Variants in LRP2BP observed in about 807,000 individuals in gnomAD.
LRP2BP encodes the protein LRP2-binding protein.
LRP2BP carries 38 observed loss-of-function variants against 45.2 expected under a neutral mutation model. The ratio of observed to expected loss-of-function variants is 0.84; its 90% CI spans 0.65 to 1.10. LRP2BP has a LOEUF of 1.10. Among genes scored for constraint, LRP2BP ranks in the 50% least tolerant of loss-of-function variants. The pLI is 0.00. For synonymous variants in LRP2BP, 153 were observed against 153.9 expected (o/e 0.99, Z 0.04); for missense variants, 385 against 418.9 (o/e 0.92, Z 0.71).
At chr4:185,373,223 T>A (rs1025236337) in intron 6 of LRP2BP, 144 bp from the exon 7 acceptor site, 7 of 728,296 alleles carry the variant, frequency 9.6e-6, no homozygotes, top group Admixed American at 2.7e-5. Context: ...TGGACGCATT[T>A]CACACTAGCA....
intron 7 of LRP2BP, 130 bp downstream of exon 7, chr4:185,372,725 TG>T: frequency 1.5e-6 from 1 of 674,006 alleles, no homozygotes; most frequent in Non-Finnish European, 2.5e-6. Flanking sequence ...GAGGACATGA[TG>T]GTCCTCCCCT....
chr4:185,396,907 T>C, upstream of LRP2BP: 1 of 1,613,344 alleles, frequency 6.2e-7, no homozygotes. Context: ...ACTCTTGTCA[T>C]CTGCCTTAGG....
chr4:185,386,217 G>T (rs2095471489), intron 1 of LRP2BP, among the ~76,000 whole-genome samples: 1 of 152,174 alleles, frequency 6.6e-6, no homozygotes, highest in African/African-American at 2.4e-5. Flanking sequence ...CATGATGATT[G>T]GATCTCTGGG....
At chr4:185,378,676 G>A (rs2095446346) in intron 1 of LRP2BP, 2 of 986,858 alleles carry the variant, frequency 2.0e-6, no homozygotes, top group Non-Finnish European at 2.4e-6. Context: ...CTGTTGTTGA[G>A]TTTTATCTTC....
At chr4:185,385,856 G>A (rs1387784272) in intron 1 of LRP2BP, among the ~76,000 whole-genome samples, 4 of 148,374 alleles carry the variant, frequency 2.7e-5, no homozygotes, top group Non-Finnish European at 4.4e-5. Context: ...AGCTGAGATC[G>A]TGCCACTGCA....
chr4:185,394,616 C>A (rs1307709345), intron 1 of LRP2BP, among the ~76,000 whole-genome samples, 163 bp downstream of exon 1: 3 of 152,224 alleles, frequency 2.0e-5, no homozygotes, highest in Admixed American at 2.0e-4. Context: ...ATCACAGCTG[C>A]ATGTGTATCA....
chr4:185,382,067 TTC>T (rs2095457452), intron 1 of LRP2BP, among the ~76,000 whole-genome samples: 1 of 152,138 alleles, frequency 6.6e-6, no homozygotes, highest in Non-Finnish European at 1.5e-5. Context: ...CTAATCTACT[TTC>T]TGTCTCTATG....
In LRP2BP at chr4:185,395,680, A is replaced by C. The variant is rs1316525925; in HGVS notation, c.-923T>G. On this transcript the variant is annotated 5_prime_UTR_variant, in exon 1 of 9. Coordinates refer to ENST00000505916, the MANE Select transcript of LRP2BP (RefSeq NM_001377440.1). ...CTTGGGTAACTAAGTATAACAACAT[A>C]AACTTGCGATTGCAAATTTTATGGC... 1 of 985,094 alleles carries C rather than the reference A, an allele frequency of 1.0e-6. No homozygotes were observed. Among genetic ancestry groups the C allele is most frequent in the African/African-American group, 1.7e-5 (1 of 57,246 alleles). 61.0% of individuals were successfully genotyped at this position (985,094 alleles called of 1,614,324 possible).
rs2095497492 is a variant in LRP2BP, at chr4:185,394,815, T to C, written c.-58A>G. ...CGTTTTTTTTAACACTCGCTGTAAA[T>C]GGCATCCTCGTTCTGGAAACGCATC... is the stretch of plus-strand genomic sequence containing the variant. On this transcript the variant is annotated 5_prime_UTR_variant, in exon 1 of 9. Coordinates refer to ENST00000505916, the MANE Select transcript of LRP2BP (RefSeq NM_001377440.1). 2.0e-6 allele frequency: 2 copies of C among 985,468 alleles called. No homozygotes were observed. Among genetic ancestry groups the C allele is most frequent in the Non-Finnish European group, 2.4e-6 (2 of 829,952 alleles). The allele number at this position is 985,468 out of a possible 1,614,324, so 61.0% of individuals were successfully genotyped here. A position where few individuals can be genotyped will look rare whatever the true frequency, so the allele number is the denominator to read the frequency against.
intron 1 of LRP2BP, among the ~76,000 whole-genome samples, chr4:185,385,855 C>G (rs748437947): frequency 1.4e-5 from 2 of 143,702 alleles, no homozygotes; most frequent in Admixed American, 7.3e-5. Context: ...GAGCTGAGAT[C>G]GTGCCACTGC....
At chr4:185,371,168 G>A (rs551096831) in intron 7 of LRP2BP, 5 of 181,030 alleles carry the variant, frequency 2.8e-5, no homozygotes, top group Admixed American at 5.5e-5. Context: ...TTTGGATCAC[G>A]TATGGAAACA....
At chr4:185,376,819 AAC>A (rs2095439602) in intron 3 of LRP2BP, 88 bp downstream of exon 3, 1 of 851,230 alleles carries the variant, frequency 1.2e-6, no homozygotes, top group African/African-American at 1.7e-5. Context: ...TCCCTAGTAT[AAC>A]ACAGTAAGAA....
At chr4:185,384,234 A>G (rs1279532531) in intron 1 of LRP2BP, among the ~76,000 whole-genome samples, 1 of 152,156 alleles carries the variant, frequency 6.6e-6, no homozygotes, top group Non-Finnish European at 1.5e-5. Flanking sequence ...CCATGTGAGG[A>G]CACAACAAGG....
At position 185,379,836 on chromosome 4, in the gene LRP2BP, G is replaced by C. The variant is rs528941967; in HGVS notation, c.-21-1629C>G. 4.8e-3 allele frequency among the ~76,000 whole-genome samples: 664 copies of C among 137,308 alleles called. 5 individuals carry two copies. The highest frequency in any genetic ancestry group is 0.017 in the African/African-American group (558 of 33,246). The allele number at this position is 137,308 out of a possible 152,430, so 90.1% of individuals were successfully genotyped here. On this transcript the variant is annotated intron_variant, in intron 1 of 8. Transcript: ENST00000505916. ...CTTCTCTCTCTCTCTCTCTCTCTCT[G>C]AGACAGCGTCTCACTCTGTCATCCA...
intron 1 of LRP2BP, among the ~76,000 whole-genome samples, chr4:185,386,461 T>A (rs1024819313): frequency 3.9e-5 from 6 of 152,204 alleles, no homozygotes; most frequent in African/African-American, 1.2e-4. Context: ...ATACTAATTT[T>A]AAAAATCCAG....
intron 1 of LRP2BP, among the ~76,000 whole-genome samples, chr4:185,381,764 C>T (rs1449969430): frequency 6.6e-6 from 1 of 152,112 alleles, no homozygotes; most frequent in Non-Finnish European, 1.5e-5. Context: ...CAGTCTGTTC[C>T]TCAGAAGAAT....
At chr4:185,380,317 G>A (rs2095452181) in intron 1 of LRP2BP, among the ~76,000 whole-genome samples, 1 of 152,138 alleles carries the variant, frequency 6.6e-6, no homozygotes, top group Non-Finnish European at 1.5e-5. Flanking sequence ...CAAAAACTTT[G>A]TGGCTTAAAA....
upstream of LRP2BP, chr4:185,396,803 C>A (rs1263460505): frequency 7.2e-6 from 8 of 1,118,510 alleles, 1 homozygote; most frequent in Non-Finnish European, 1.1e-5. Context: ...CCCGGAAGTC[C>A]CAGCGGTCTT....
At chr4:185,384,970 CCCTT>C (rs1291811959) in intron 1 of LRP2BP, among the ~76,000 whole-genome samples, 1 of 149,858 alleles carries the variant, frequency 6.7e-6, no homozygotes, top group African/African-American at 2.5e-5. Flanking sequence ...TTTTTCCCAC[CCCTT>C]CCTTTTGGGT....
Sources: gnomAD v4.1 joint callset for allele counts (sites outside exome capture counted in the v4.1 genomes callset) on GRCh38, gnomAD v4.1.1 for gene constraint, MANE v1.5 for transcripts, NCBI Gene and HGNC (gene_info 2026-07-23, HGNC 2026-07-21) for gene names.